Variants in ENTREP2 observed in about 807,000 individuals in gnomAD.
ENTREP2 encodes protein ENTREP2.
the ENTREP2 span, among the ~76,000 whole-genome samples, chr15:29,154,403 C>T: frequency 1.3e-5 from 2 of 151,508 alleles, no homozygotes; most frequent in Admixed American, 6.6e-5. Context: ...TTTTAACAGT[C>T]GAAGTGCAAT....
the ENTREP2 span, among the ~76,000 whole-genome samples, chr15:29,520,841 A>G: frequency 2.6e-5 from 4 of 152,222 alleles, no homozygotes; most frequent in African/African-American, 9.6e-5. Flanking sequence ...TGTAAAATAA[A>G]TAGGAAGAAA....
the ENTREP2 span, among the ~76,000 whole-genome samples, chr15:29,455,230 C>T: frequency 1.3e-5 from 2 of 152,138 alleles, no homozygotes; most frequent in African/African-American, 4.8e-5. Flanking sequence ...AGCCCATCAC[C>T]CCTGCCCGCC....
At chr15:29,127,559 C>G in the ENTREP2 span, among the ~76,000 whole-genome samples, 3 of 152,158 alleles carry the variant, frequency 2.0e-5, no homozygotes, top group African/African-American at 7.2e-5. Context: ...TGGGCTTAGA[C>G]AGGGAAGGGT....
the ENTREP2 span, among the ~76,000 whole-genome samples, chr15:29,123,866 G>C: frequency 6.6e-6 from 1 of 152,156 alleles, no homozygotes; most frequent in African/African-American, 2.4e-5. Context: ...GCAGCCTCCA[G>C]GAGCGAAGGC....
At chr15:29,335,678 AGGTCAGCCACCTTGG>A in the ENTREP2 span, among the ~76,000 whole-genome samples, 1 of 152,168 alleles carries the variant, frequency 6.6e-6, no homozygotes, top group African/African-American at 2.4e-5. Context: ...CCCCAGCCAG[AGGTCAGCCACCTTGG>A]GGTCAGCCAC....
chr15:29,308,911 A>G, the ENTREP2 span, among the ~76,000 whole-genome samples: 3 of 152,162 alleles, frequency 2.0e-5, no homozygotes, highest in Non-Finnish European at 4.4e-5. Flanking sequence ...GGAAGAGCCA[A>G]GAGACCCTGT....
the ENTREP2 span, among the ~76,000 whole-genome samples, chr15:29,325,505 A>C: frequency 6.6e-6 from 1 of 152,284 alleles, no homozygotes; most frequent in East Asian, 1.9e-4. Flanking sequence ...AAATTAGAAA[A>C]AGGACTAATT....
the ENTREP2 span, among the ~76,000 whole-genome samples, chr15:29,334,407 G>A: frequency 1.1e-5 from 1 of 91,532 alleles, no homozygotes; most frequent in Non-Finnish European, 3.1e-5. Context: ...GCAGCAAGCA[G>A]GGCTTTCAAG....
chr15:29,493,538 G>C, the ENTREP2 span, among the ~76,000 whole-genome samples: 1 of 152,228 alleles, frequency 6.6e-6, no homozygotes, highest in South Asian at 2.1e-4. Flanking sequence ...GATCACTTGA[G>C]CCCAGTAATT....
the ENTREP2 span, among the ~76,000 whole-genome samples, chr15:29,214,252 C>A: frequency 6.6e-6 from 1 of 152,114 alleles, no homozygotes; most frequent in African/African-American, 2.4e-5. Context: ...ATGTTTACTG[C>A]GGCACTATTC....
chr15:29,479,670 C>G, the ENTREP2 span, among the ~76,000 whole-genome samples: 1 of 128,542 alleles, frequency 7.8e-6, no homozygotes, highest in African/African-American at 3.4e-5. Context: ...CACACATACA[C>G]ACACACACAT....
chr15:29,344,573 G>C, the ENTREP2 span, among the ~76,000 whole-genome samples: 1 of 152,132 alleles, frequency 6.6e-6, no homozygotes, highest in Non-Finnish European at 1.5e-5. Flanking sequence ...CCACTCCAGT[G>C]ACTGCTGAGC....
chr15:29,377,121 A>G, the ENTREP2 span, among the ~76,000 whole-genome samples: 11 of 122,992 alleles, frequency 8.9e-5, no homozygotes, highest in Non-Finnish European at 1.5e-4. Flanking sequence ...CTCCAGGAAG[A>G]AAAAAAAACA....
chr15:29,477,603 T>C, the ENTREP2 span, among the ~76,000 whole-genome samples: 3 of 152,184 alleles, frequency 2.0e-5, no homozygotes, highest in Non-Finnish European at 4.4e-5. Flanking sequence ...TCTGGTACTC[T>C]GCTACCAATC....
chr15:29,602,574 G>T, the ENTREP2 span, among the ~76,000 whole-genome samples: 1 of 151,934 alleles, frequency 6.6e-6, no homozygotes. Flanking sequence ...GTCTTGCTTT[G>T]TTGCCCAGTC....
At chr15:29,614,390 T>C in the ENTREP2 span, 1 of 152,778 alleles carries the variant, frequency 6.5e-6, no homozygotes, top group South Asian at 2.1e-4. Flanking sequence ...CTTCCTTGGC[T>C]GCCCCTTTCT....
the ENTREP2 span, among the ~76,000 whole-genome samples, chr15:29,601,042 TGCCCGCCACCAC>T: frequency 6.6e-5 from 10 of 151,000 alleles, no homozygotes; most frequent in Admixed American, 6.6e-4. Context: ...GGATTACAGG[TGCCCGCCACCAC>T]GCCCGGCTAA....
the ENTREP2 span, among the ~76,000 whole-genome samples, chr15:29,320,061 C>T: frequency 3.3e-5 from 5 of 152,170 alleles, no homozygotes; most frequent in Non-Finnish European, 7.4e-5. Context: ...TGGGGGAAGG[C>T]GTTTTCCTGA....
At chr15:29,505,324 G>A in the ENTREP2 span, among the ~76,000 whole-genome samples, 3 of 152,202 alleles carry the variant, frequency 2.0e-5, no homozygotes, top group South Asian at 2.1e-4. This position sits in a 1 kb window ranked among gnomAD's most constrained non-coding sequence, Gnocchi z 4.3. Flanking sequence ...AGCTATGGGC[G>A]CAGCTTCAGC....
Sources: gnomAD v4.1 joint callset for allele counts (sites outside exome capture counted in the v4.1 genomes callset) on GRCh38, gnomAD v4.1.1 for gene constraint, Gnocchi (gnomAD v3.1) non-coding constraint, MANE v1.5 for transcripts, NCBI Gene and HGNC (gene_info 2026-07-23, HGNC 2026-07-21) for gene names.